The following PAX5 variants were observed in gnomAD, a reference collection of about 807,000 sequenced individuals.
PAX5 encodes paired box 5.
PAX5 carries 9 observed loss-of-function variants against 43.7 expected under a neutral mutation model. That is an observed-to-expected ratio of 0.21 (90% CI 0.12 to 0.36). The LOEUF is 0.36. PAX5 is among the 10% of genes least tolerant of loss of function. The pLI is 1.00. For synonymous variants in PAX5, 228 were observed against 214.3 expected (o/e 1.06, Z -0.56); for missense variants, 383 against 532.7 (o/e 0.72, Z 2.77).
intron 6 of PAX5, among the ~76,000 whole-genome samples, chr9:36,943,606 G>A (rs1414411120): frequency 6.7e-6 from 1 of 149,484 alleles, no homozygotes; most frequent in Non-Finnish European, 1.5e-5. Flanking sequence ...CAGAAAAGAA[G>A]GCCTAAGGAT....
intron 8 of PAX5, among the ~76,000 whole-genome samples, chr9:36,875,554 A>C (rs914594258): frequency 1.3e-5 from 2 of 151,810 alleles, no homozygotes; most frequent in South Asian, 2.1e-4. Context: ...GGCCCCCCCC[A>C]AAAATGTCCA....
intron 6 of PAX5, among the ~76,000 whole-genome samples, chr9:36,937,815 G>A (rs554792487): frequency 3.3e-5 from 5 of 152,176 alleles, no homozygotes; most frequent in Admixed American, 6.5e-5. Context: ...CTCCTACACC[G>A]TCAACTCAGA....
chr9:37,027,222 T>C (rs1840481157), intron 1 of PAX5, among the ~76,000 whole-genome samples: 4 of 152,168 alleles, frequency 2.6e-5, no homozygotes, highest in African/African-American at 7.2e-5. Context: ...CCTGGCGGGT[T>C]TGGAGATGCT....
chr9:36,981,440 A>AAAAAAAC (rs1443650893), intron 5 of PAX5, among the ~76,000 whole-genome samples: 4 of 150,530 alleles, frequency 2.7e-5, no homozygotes, highest in Non-Finnish European at 5.9e-5. Context: ...CTGGCAAAAA[A>AAAAAAAC]AAAAAAACAA....
rs3073720 is a variant in PAX5 at position 37,001,810 on chromosome 9, CTTTTTTTTTTTTTT to C, written c.604+824_604+837del. Among the ~76,000 whole-genome samples the C allele has an allele frequency of 6.8e-5, 6 of 87,996 alleles. 2 individuals carry two copies. Among genetic ancestry groups the C allele is most frequent in the African/African-American group, 2.7e-4 (6 of 22,306 alleles). 57.7% of individuals were successfully genotyped at this position (87,996 alleles called of 152,430 possible). On this transcript the variant is annotated intron_variant, in intron 5 of 9. Transcript: ENST00000358127. ...CTCAGGCCCTAGACCACAGCTCTGG[CTTTTTTTTTTTTTT>C]TTTTTTTTTTCTTTTCCTGACTAAG...
chr9:36,951,948 G>A (rs1339219190), intron 6 of PAX5, among the ~76,000 whole-genome samples: 1 of 152,074 alleles, frequency 6.6e-6, no homozygotes, highest in Non-Finnish European at 1.5e-5. Context: ...TTCCTCCTAT[G>A]AAATGCAAAA....
chr9:36,859,126 C>A lies in PAX5; in HGVS notation c.1013-12197G>T, dbSNP rs149768839. Reference sequence around the variant, plus strand: ...CAGAGGCCCCGATTTCCCCTGCACCCCGAGGAGCGCGCTCAATTCTGCACA... The same window carrying A: ...CAGAGGCCCCGATTTCCCCTGCACCACGAGGAGCGCGCTCAATTCTGCACA... On this transcript the variant is annotated intron_variant, in intron 8 of 9. Coordinates refer to ENST00000358127, the MANE Select transcript of PAX5 (RefSeq NM_016734.3). Among the ~76,000 whole-genome samples, 784 of 152,278 alleles carry A rather than the reference C, an allele frequency of 5.1e-3. 7 individuals are homozygous for A. Among genetic ancestry groups the A allele is most frequent in the African/African-American group, 0.017 (727 of 41,556 alleles).
rs1157207349 is a variant in PAX5 at position 36,882,355 on chromosome 9, T to G, written c.911-250A>C. Among the ~76,000 whole-genome samples, 1 of 152,122 alleles carries G rather than the reference T, an allele frequency of 6.6e-6. No homozygotes were observed. Among genetic ancestry groups the G allele is most frequent in the African/African-American group, 2.4e-5 (1 of 41,416 alleles). On this transcript the variant is annotated intron_variant, in intron 7 of 9. Coordinates refer to ENST00000358127, the MANE Select transcript of PAX5 (RefSeq NM_016734.3). This position sits in a 1 kb window ranked among gnomAD's most constrained non-coding sequence, Gnocchi z 4.4. ...CTCAGCAAGAACAGAGTCAGGGATG[T>G]GGCCTGTTCCTGGGAAATCAGAACC...
chr9:36,915,495 G>A (rs1207425094), intron 7 of PAX5, among the ~76,000 whole-genome samples: 1 of 152,080 alleles, frequency 6.6e-6, no homozygotes, highest in Non-Finnish European at 1.5e-5. Flanking sequence ...TTTTCCCAAT[G>A]AAAAGATGTT....
intron 7 of PAX5, among the ~76,000 whole-genome samples, chr9:36,906,030 G>A (rs922879505): frequency 4.6e-5 from 7 of 152,116 alleles, no homozygotes; most frequent in African/African-American, 1.4e-4. Flanking sequence ...AGGCAGAAAC[G>A]GAGCAAAAGA....
At chr9:36,931,410 A>T (rs1831111934) in intron 6 of PAX5, among the ~76,000 whole-genome samples, 1 of 152,212 alleles carries the variant, frequency 6.6e-6, no homozygotes, top group South Asian at 2.1e-4. Flanking sequence ...CAAAGTCTAG[A>T]TTCCCTCTTC....
At chr9:37,013,689 C>A (rs1839157295) in intron 3 of PAX5, among the ~76,000 whole-genome samples, 1 of 152,176 alleles carries the variant, frequency 6.6e-6, no homozygotes, top group Non-Finnish European at 1.5e-5. Flanking sequence ...CTTCTAAGTG[C>A]ATGTCAGAAC....
chr9:36,975,481 G>A (rs935414561), intron 5 of PAX5, among the ~76,000 whole-genome samples: 5 of 151,938 alleles, frequency 3.3e-5, no homozygotes, highest in Admixed American at 6.6e-5. Context: ...CGCCTCCCGG[G>A]TTCACGCCAT....
At chr9:36,879,774 C>T (rs761887256) in intron 8 of PAX5, among the ~76,000 whole-genome samples, 4 of 152,198 alleles carry the variant, frequency 2.6e-5, no homozygotes, top group Non-Finnish European at 5.9e-5. Flanking sequence ...TACATAAATG[C>T]GACGGGCCAT....
At chr9:36,899,041 C>G (rs1335250554) in intron 7 of PAX5, among the ~76,000 whole-genome samples, 1 of 152,200 alleles carries the variant, frequency 6.6e-6, no homozygotes, top group Non-Finnish European at 1.5e-5. Flanking sequence ...CCCTCTCCTC[C>G]TGCCTTTTCC....
chr9:36,895,787 C>T (rs1470531374), intron 7 of PAX5, among the ~76,000 whole-genome samples: 1 of 152,200 alleles, frequency 6.6e-6, no homozygotes, highest in African/African-American at 2.4e-5. Context: ...GCAGTCTGTG[C>T]TCTTAACCAC....
At chr9:36,894,586 C>T (rs928012561) in intron 7 of PAX5, among the ~76,000 whole-genome samples, 3 of 152,152 alleles carry the variant, frequency 2.0e-5, no homozygotes, top group Admixed American at 6.5e-5. Context: ...CAAGTCATTT[C>T]GCCTCTCTGT....
intron 5 of PAX5, among the ~76,000 whole-genome samples, chr9:36,967,571 A>T (rs1834553860): frequency 6.6e-6 from 1 of 152,236 alleles, no homozygotes; most frequent in African/African-American, 2.4e-5. Flanking sequence ...TTGTTATGTT[A>T]AAAAATAAAA....
In PAX5 at chr9:37,009,837, A is replaced by T. The variant is rs12000693; in HGVS notation, c.411-3300T>A. 9.4e-3 allele frequency among the ~76,000 whole-genome samples: 1,423 copies of T among 152,150 alleles called. 21 individuals are homozygous for T. The highest frequency in any genetic ancestry group is 0.027 in the South Asian group (129 of 4,826). On this transcript the variant is annotated intron_variant, in intron 3 of 9. Transcript: ENST00000358127. ...CCTACTATGCACCCATAAAAATTAA[A>T]AATAATAATAATAATAAAGCACAAG...
Sources: allele counts gnomAD v4.1 joint callset (sites outside exome capture counted in the v4.1 genomes callset), GRCh38; gene constraint gnomAD v4.1.1; non-coding constraint Gnocchi (gnomAD v3.1); transcripts MANE v1.5; gene names NCBI Gene and HGNC (gene_info 2026-07-23, HGNC 2026-07-21).